FLRT1: variants seen among roughly 807,000 people sequenced by gnomAD.
FLRT1 encodes leucine-rich repeat transmembrane protein FLRT1.
In FLRT1, 14 loss-of-function variants were observed where a neutral mutation model predicts 30.9. The ratio of observed to expected loss-of-function variants is 0.45; its 90% confidence interval spans 0.30 to 0.71. The LOEUF (loss-of-function observed/expected upper bound fraction) is 0.71, where lower values mean the gene tolerates loss of function less well. Among genes scored for constraint, FLRT1 ranks in the 30% least tolerant of loss-of-function variants. The pLI, the probability that FLRT1 is intolerant of heterozygous loss-of-function variation, is 0.08. For synonymous variants in FLRT1, 368 were observed against 430.4 expected (o/e 0.85, Z 1.80); for missense variants, 737 against 949.2 (o/e 0.78, Z 2.94).
chr11:64,042,227 T>C (rs320134), intron 1 of FLRT1, among the ~76,000 whole-genome samples: 10,836 of 152,208 alleles, frequency 0.071, 1,288 homozygotes, highest in African/African-American at 0.24. Context: ...TCCTCTCCTG[T>C]CTTCCCTGAG....
At chr11:64,110,162 G>T (rs1379855161) in intron 2 of FLRT1, among the ~76,000 whole-genome samples, 1 of 152,110 alleles carries the variant, frequency 6.6e-6, no homozygotes, top group Non-Finnish European at 1.5e-5. Flanking sequence ...AAATAACACA[G>T]CCTGAGGCCC....
chr11:64,060,549 GGCCCCAGCCTGGAGA>G (rs1943879637), intron 1 of FLRT1: 3 of 152,242 alleles, frequency 2.0e-5, no homozygotes, highest in African/African-American at 7.2e-5. Flanking sequence ...ACCCAGAGCA[GGCCCCAGCCTGGAGA>G]TACGCTGGGC....
At chr11:64,042,412 TG>T (rs1348013040) in intron 1 of FLRT1, among the ~76,000 whole-genome samples, 1 of 152,068 alleles carries the variant, frequency 6.6e-6, no homozygotes, top group Admixed American at 6.5e-5. Context: ...CTCTGGGGAA[TG>T]GGGGGGTGTG....
intron 1 of FLRT1, among the ~76,000 whole-genome samples, chr11:64,057,214 G>A (rs1051694134): frequency 3.3e-5 from 5 of 152,242 alleles, no homozygotes; most frequent in African/African-American, 1.2e-4. Flanking sequence ...GCAGCCTCTG[G>A]GACCAGCTTG....
chr11:64,109,867 G>A (rs1016566388), intron 2 of FLRT1, among the ~76,000 whole-genome samples: 6 of 152,166 alleles, frequency 3.9e-5, no homozygotes, highest in African/African-American at 7.2e-5. Context: ...CAGCCTGTCC[G>A]GAAGGCACAG....
chr11:64,110,677 C>T (rs532049110), intron 2 of FLRT1, among the ~76,000 whole-genome samples: 3 of 152,220 alleles, frequency 2.0e-5, no homozygotes, highest in South Asian at 2.1e-4. Context: ...GCTAAGGATC[C>T]GGCTGTCAGT....
chr11:64,050,799 A>G (rs1452364951), intron 1 of FLRT1, among the ~76,000 whole-genome samples: 1 of 152,120 alleles, frequency 6.6e-6, no homozygotes, highest in African/African-American at 2.4e-5. Context: ...TTGTATTTCT[A>G]GTTGAGATGG....
chr11:64,095,851 G>A (rs978849974), intron 1 of FLRT1, among the ~76,000 whole-genome samples: 6 of 152,218 alleles, frequency 3.9e-5, no homozygotes, highest in African/African-American at 2.4e-5. Flanking sequence ...ATGGAGGAGC[G>A]CGAGGCTGAG....
rs1000873689 is a variant in FLRT1 at position 64,096,509 on chromosome 11, G to A, written c.-1037-6685G>A. Among the ~76,000 whole-genome samples, 2 of 151,936 alleles carry A rather than the reference G, an allele frequency of 1.3e-5. No individual in the cohort carries two copies. Among genetic ancestry groups the A allele is most frequent in the African/African-American group, 2.4e-5 (1 of 41,350 alleles). On this transcript the variant is annotated intron_variant, in intron 1 of 2. Coordinates refer to ENST00000682287, the MANE Select transcript of FLRT1 (RefSeq NM_013280.5). The surrounding 1 kb of genome is among the most constrained non-coding windows in gnomAD (Gnocchi z 4.6). Reference sequence around the variant, plus strand: ...CGGCTCACTGCAACCTCCGCCTTCCGGGTTCAAGCAATTCTCTTGCCTCAG... The same window carrying A: ...CGGCTCACTGCAACCTCCGCCTTCCAGGTTCAAGCAATTCTCTTGCCTCAG...
intron 2 of FLRT1, among the ~76,000 whole-genome samples, chr11:64,110,735 T>C (rs1944847158): frequency 6.6e-6 from 1 of 152,052 alleles, no homozygotes; most frequent in African/African-American, 2.4e-5. Flanking sequence ...GTCTGAGGGA[T>C]CCACGCAAGG....
At chr11:64,092,772 C>T (rs986412520) in intron 1 of FLRT1, among the ~76,000 whole-genome samples, 4 of 152,216 alleles carry the variant, frequency 2.6e-5, no homozygotes, top group South Asian at 2.1e-4. Flanking sequence ...CCTGAGTAAA[C>T]GGGTGCATGA....
chr11:64,111,297 C>T (rs982258725), intron 2 of FLRT1, among the ~76,000 whole-genome samples: 1 of 152,200 alleles, frequency 6.6e-6, no homozygotes, highest in East Asian at 1.9e-4. Flanking sequence ...AGCCAACAGA[C>T]CAGGTTGGGG....
chr11:64,060,937 C>CGCG lies in FLRT1; in HGVS notation c.-1038+24795_-1038+24797dup, dbSNP rs544654619. Among the ~76,000 whole-genome samples the CGCG allele has an allele frequency of 4.4e-3, 660 of 151,420 alleles. 10 individuals are homozygous for CGCG. Among genetic ancestry groups the CGCG allele is most frequent in the African/African-American group, 0.012 (516 of 41,386 alleles). On this transcript the variant is annotated intron_variant, in intron 1 of 2. Transcript: ENST00000682287. Reference sequence around the variant, plus strand: ...TCATGACCTTGGCGGGCATGCGCACCGCGGCGGCGGCGGCGGCGGGGCTCC... The same window carrying CGCG: ...TCATGACCTTGGCGGGCATGCGCACCGCGGCGGCGGCGGCGGCGGCGGGGCTCC...
At chr11:64,039,476 G>A (rs564715660) in intron 1 of FLRT1, among the ~76,000 whole-genome samples, 1 of 152,292 alleles carries the variant, frequency 6.6e-6, no homozygotes, top group East Asian at 1.9e-4. Context: ...TTCAGGCTCT[G>A]GCTGGCCCAC....
intron 1 of FLRT1, among the ~76,000 whole-genome samples, chr11:64,050,078 A>G (rs1590839470): frequency 6.6e-6 from 1 of 152,114 alleles, no homozygotes; most frequent in East Asian, 1.9e-4. Flanking sequence ...TTCCCTCGAG[A>G]TCTCTCCGGA....
At chr11:64,047,556 G>C (rs1362758816) in intron 1 of FLRT1, among the ~76,000 whole-genome samples, 1 of 152,120 alleles carries the variant, frequency 6.6e-6, no homozygotes, top group Non-Finnish European at 1.5e-5. Flanking sequence ...CAGTGGCCCA[G>C]ATGTACTTAG....
intron 1 of FLRT1, among the ~76,000 whole-genome samples, chr11:64,075,925 C>T (rs1944192182): frequency 1.3e-5 from 2 of 152,244 alleles, no homozygotes; most frequent in African/African-American, 2.4e-5. Context: ...CCACCCGCCT[C>T]GGCTTCCCAA....
At chr11:64,108,350 C>G (rs1944800750) in intron 2 of FLRT1, among the ~76,000 whole-genome samples, 1 of 152,042 alleles carries the variant, frequency 6.6e-6, no homozygotes, top group African/African-American at 2.4e-5. Flanking sequence ...CCAGGGCCAC[C>G]CCACAGTAGG....
At chr11:64,116,025 C>T (rs926962201) in intron 2 of FLRT1, among the ~76,000 whole-genome samples, 194 bp from the exon 3 acceptor site, 2 of 152,184 alleles carry the variant, frequency 1.3e-5, no homozygotes, top group Admixed American at 6.5e-5. Flanking sequence ...TGTTAGAGTC[C>T]GACCTCGGCG....
Sources: allele counts gnomAD v4.1 joint callset (sites outside exome capture counted in the v4.1 genomes callset), GRCh38; gene constraint gnomAD v4.1.1; non-coding constraint Gnocchi (gnomAD v3.1); transcripts MANE v1.5; gene names NCBI Gene and HGNC (gene_info 2026-07-23, HGNC 2026-07-21).